KHDRBS2: variants seen among roughly 807,000 people sequenced by gnomAD.
KHDRBS2 encodes KH RNA binding domain containing, signal transduction associated 2, also known as KH domain-containing, RNA-binding, signal transduction-associated protein 2.
A neutral mutation model predicts 44.3 loss-of-function variants in KHDRBS2; 26 were observed. The ratio of observed to expected loss-of-function variants is 0.59; its 90% CI spans 0.43 to 0.81. The LOEUF is 0.81. KHDRBS2 is among the 40% of genes least tolerant of loss of function. The pLI is 0.00. For missense variants in KHDRBS2, 476 were observed against 433.1 expected (o/e 1.10, Z -0.88); for synonymous variants, 194 against 151.1 (o/e 1.28, Z -2.08).
At chr6:61,956,747 A>G (rs571345364) in intron 4 of KHDRBS2, among the ~76,000 whole-genome samples, 1 of 152,268 alleles carries the variant, frequency 6.6e-6, no homozygotes, top group South Asian at 2.1e-4. Context: ...TCCACATACC[A>G]AGCTATGTGA....
intron 1 of KHDRBS2, among the ~76,000 whole-genome samples, chr6:62,269,068 T>C (rs554680123): frequency 2.6e-5 from 4 of 152,164 alleles, no homozygotes; most frequent in African/African-American, 7.2e-5. Context: ...AAAAATACTT[T>C]GACTATCTTG....
At chr6:61,899,519 A>T (rs528095929) in intron 5 of KHDRBS2, among the ~76,000 whole-genome samples, 18 of 151,928 alleles carry the variant, frequency 1.2e-4, no homozygotes, top group Non-Finnish European at 1.8e-4. Context: ...TTCTAAGAAG[A>T]TATATTAAAA....
At chr6:61,671,081 AAGT>A in the KHDRBS2 span, among the ~76,000 whole-genome samples, 1 of 151,660 alleles carries the variant, frequency 6.6e-6, no homozygotes, top group Non-Finnish European at 1.5e-5. Context: ...ATGTCTAAAA[AAGT>A]AGACTGTGAA....
intron 2 of KHDRBS2, among the ~76,000 whole-genome samples, chr6:62,131,652 C>T (rs2150090442): frequency 6.6e-6 from 1 of 152,294 alleles, no homozygotes; most frequent in East Asian, 1.9e-4. Flanking sequence ...ATTCTCTTCT[C>T]ATCCTCTGGT....
the KHDRBS2 span, among the ~76,000 whole-genome samples, chr6:61,619,437 T>TTTTG: frequency 1.8e-3 from 272 of 151,224 alleles, no homozygotes; most frequent in African/African-American, 5.6e-3. Flanking sequence ...AATACATTAT[T>TTTTG]TTTGTTTGTT....
chr6:62,146,162 T>A (rs1813888761), intron 2 of KHDRBS2, among the ~76,000 whole-genome samples: 1 of 151,916 alleles, frequency 6.6e-6, no homozygotes, highest in Non-Finnish European at 1.5e-5. Context: ...ATTTCTTCTC[T>A]ATTCTACTGA....
chr6:61,717,434 A>T (rs192069985), intron 7 of KHDRBS2, among the ~76,000 whole-genome samples: 1 of 152,232 alleles, frequency 6.6e-6, no homozygotes, highest in East Asian at 1.9e-4. Flanking sequence ...CCTACTGTTT[A>T]TGCATGCAGA....
At chr6:62,186,932 A>T (rs1256585571) in intron 1 of KHDRBS2, among the ~76,000 whole-genome samples, 1 of 152,124 alleles carries the variant, frequency 6.6e-6, no homozygotes, top group Non-Finnish European at 1.5e-5. Flanking sequence ...GTTTTGAATT[A>T]GTTCTTGCTA....
At chr6:61,899,436 C>A (rs7452384) in intron 5 of KHDRBS2, among the ~76,000 whole-genome samples, 2 of 151,812 alleles carry the variant, frequency 1.3e-5, no homozygotes, top group South Asian at 2.1e-4. Context: ...ATTTTCTTTT[C>A]TTTTTATGTA....
chr6:62,126,130 T>A (rs1348343522), intron 2 of KHDRBS2, among the ~76,000 whole-genome samples: 2 of 151,940 alleles, frequency 1.3e-5, no homozygotes, highest in Non-Finnish European at 2.9e-5. Flanking sequence ...GAAAGGAGAG[T>A]CCTAGGCCTG....
At chr6:61,692,355 ATATT>A (rs1767463290) in intron 8 of KHDRBS2, among the ~76,000 whole-genome samples, 1 of 152,018 alleles carries the variant, frequency 6.6e-6, no homozygotes, top group Non-Finnish European at 1.5e-5. Context: ...AATTAATTAA[ATATT>A]TAATAAATAC....
At chr6:61,551,564 T>A in the KHDRBS2 span, among the ~76,000 whole-genome samples, 1 of 152,176 alleles carries the variant, frequency 6.6e-6, no homozygotes, top group African/African-American at 2.4e-5. Flanking sequence ...TGGGGTCCAG[T>A]TTCAATCTTC....
intron 2 of KHDRBS2, among the ~76,000 whole-genome samples, chr6:62,104,588 T>A (rs1336728026): frequency 1.3e-5 from 2 of 151,326 alleles, no homozygotes; most frequent in African/African-American, 4.9e-5. Context: ...TAAAAATGTA[T>A]TCTAAACTGA....
At chr6:61,610,464 G>C in the KHDRBS2 span, among the ~76,000 whole-genome samples, 1 of 152,224 alleles carries the variant, frequency 6.6e-6, no homozygotes, top group Admixed American at 6.5e-5. Flanking sequence ...CTGGGTGTTT[G>C]TGGGTCAGAA....
chr6:61,856,746 A>G (rs1408326242), intron 6 of KHDRBS2, among the ~76,000 whole-genome samples: 1 of 151,968 alleles, frequency 6.6e-6, no homozygotes, highest in East Asian at 1.9e-4. Context: ...CCCTAGGTGT[A>G]CAGGTGCATT....
At chr6:62,233,653 C>A (rs763767858) in intron 1 of KHDRBS2, among the ~76,000 whole-genome samples, 1 of 152,068 alleles carries the variant, frequency 6.6e-6, no homozygotes, top group Non-Finnish European at 1.5e-5. Flanking sequence ...CCTCCACCCT[C>A]TGATTGACCC....
At chr6:62,099,973 CAGAT>C (rs1436592257) in intron 2 of KHDRBS2, among the ~76,000 whole-genome samples, 1 of 152,198 alleles carries the variant, frequency 6.6e-6, no homozygotes, top group Non-Finnish European at 1.5e-5. Flanking sequence ...ATAGCTGTCA[CAGAT>C]AGTGATTTCT....
intron 2 of KHDRBS2, among the ~76,000 whole-genome samples, chr6:62,153,986 T>C (rs1815810207): frequency 1.3e-5 from 2 of 152,170 alleles, no homozygotes; most frequent in African/African-American, 4.8e-5. Context: ...ACTAGAGTCC[T>C]GGGTGTTTGG....
intron 2 of KHDRBS2, among the ~76,000 whole-genome samples, chr6:62,094,085 T>A (rs1800061267): frequency 6.6e-6 from 1 of 151,918 alleles, no homozygotes; most frequent in Non-Finnish European, 1.5e-5. Context: ...CTATTTTTAA[T>A]ATTTTGAGAA....
Sources: allele counts gnomAD v4.1 joint callset (sites outside exome capture counted in the v4.1 genomes callset), GRCh38; gene constraint gnomAD v4.1.1; transcripts MANE v1.5; gene names NCBI Gene and HGNC (gene_info 2026-07-23, HGNC 2026-07-21).